The following INPP4B variants were observed in gnomAD, a reference collection of about 807,000 sequenced individuals.
The protein encoded by INPP4B is inositol polyphosphate 4-phosphatase type II.
In INPP4B, 55 loss-of-function variants were observed where a neutral mutation model predicts 122.5. The observed-to-expected ratio is 0.45, with a 90% CI of 0.36 to 0.56. INPP4B has a LOEUF of 0.56. Among genes scored for constraint, INPP4B ranks in the 20% least tolerant of loss-of-function variants. INPP4B has a pLI of 0.00. For synonymous variants in INPP4B, 403 were observed against 388.7 expected, an observed-to-expected ratio of 1.04 and a Z score of -0.43; for missense variants, 1,000 against 1,097.7, an observed-to-expected ratio of 0.91 and a Z score of 1.26.
chr4:142,655,672 T>A (rs549560260), intron 2 of INPP4B, among the ~76,000 whole-genome samples: 1 of 152,310 alleles, frequency 6.6e-6, no homozygotes, highest in Non-Finnish European at 1.5e-5. Context: ...TATAAAAAAA[T>A]TGGAATCTGT....
rs1016864631 is a variant in INPP4B, at chr4:142,405,255, T to G, written c.206A>C (p.His69Pro). ...TCTTGTCAGACTCTGCTCCACGGGG[T>G]GGATTACGGAGATCTGCACCAGTGT... ...LNTLVQISVI[H>P]PVEQSLTRYS... Residue 69 changes from histidine to proline, a missense_variant, in exon 6 of 26, where the codon CAC becomes CCC. Transcript: ENST00000262992. 1 of 1,612,070 alleles carries G rather than the reference T, an allele frequency of 6.2e-7. No individual in the cohort carries two copies. Among genetic ancestry groups the G allele is most frequent in the Non-Finnish European group, 8.5e-7 (1 of 1,179,318 alleles).
At chr4:142,799,107 C>T (rs1367459580) in intron 1 of INPP4B, among the ~76,000 whole-genome samples, 1 of 151,656 alleles carries the variant, frequency 6.6e-6, no homozygotes, top group Non-Finnish European at 1.5e-5. Context: ...GGATGAATGT[C>T]CATGGAATAT....
chr4:142,173,669 T>G lies in INPP4B; in HGVS notation c.1322A>C (p.Asp441Ala), dbSNP rs749810647. 13 of 1,612,934 alleles carry G rather than the reference T, an allele frequency of 8.1e-6. 1 individual carries two copies. The highest frequency in any genetic ancestry group is 4.2e-6 in the Non-Finnish European group (5 of 1,179,356). The change falls in exon 16 of 26, where the codon GAC becomes GCC. Residue 441 changes from aspartate (D) to alanine (A), a missense_variant. Physicochemically the swap from Asp to Ala is moderately radical, Grantham distance 126. Coordinates refer to ENST00000262992, the MANE Select transcript of INPP4B (RefSeq NM_001101669.3). ...LLNSASQHSP[D>A]SLKNSLKMLS... is the part of the protein sequence containing the mutation. ...CATCTTTAAAGAATTCTTCAAGCTG[T>G]CTGGAGAATGCTGGCTTGCAGAATT...
At chr4:142,643,949 C>T (rs1043297345) in intron 2 of INPP4B, among the ~76,000 whole-genome samples, 1 of 152,088 alleles carries the variant, frequency 6.6e-6, no homozygotes, top group Non-Finnish European at 1.5e-5. Flanking sequence ...GCCTGTAATC[C>T]CAGTGCTTTG....
intron 12 of INPP4B, among the ~76,000 whole-genome samples, chr4:142,213,741 T>C (rs995993825): frequency 1.3e-5 from 2 of 152,198 alleles, no homozygotes; most frequent in Non-Finnish European, 2.9e-5. Context: ...TCAGGTTACC[T>C]CCTTCTCTAC....
intron 2 of INPP4B, among the ~76,000 whole-genome samples, chr4:142,498,170 T>C (rs1458694216): frequency 1.3e-5 from 2 of 151,196 alleles, no homozygotes; most frequent in Admixed American, 6.6e-5. Context: ...TATATATGTA[T>C]GTATACATAC....
chr4:142,089,575 C>T (rs905827987), intron 23 of INPP4B, among the ~76,000 whole-genome samples: 2 of 151,556 alleles, frequency 1.3e-5, no homozygotes, highest in African/African-American at 4.9e-5. Flanking sequence ...ATGTATCATA[C>T]ATCATCAAAT....
At chr4:142,234,764 GT>G (rs1475372280) in intron 12 of INPP4B, among the ~76,000 whole-genome samples, 3 of 152,112 alleles carry the variant, frequency 2.0e-5, no homozygotes, top group Non-Finnish European at 4.4e-5. Flanking sequence ...AACAATTCCA[GT>G]TTCTAATTTT....
intron 1 of INPP4B, chr4:142,766,690 T>C (rs1580865803): frequency 6.6e-6 from 1 of 151,666 alleles, no homozygotes; most frequent in South Asian, 2.1e-4. Context: ...AAGTATTTTC[T>C]CAAAAAAAAA....
chr4:142,656,115 C>A (rs1006330035), intron 2 of INPP4B, among the ~76,000 whole-genome samples: 1 of 152,168 alleles, frequency 6.6e-6, no homozygotes, highest in African/African-American at 2.4e-5. Context: ...CCATTTGCAG[C>A]AGGGAGGAGC....
intron 7 of INPP4B, among the ~76,000 whole-genome samples, chr4:142,342,132 G>A (rs999990805): frequency 1.3e-5 from 2 of 152,032 alleles, no homozygotes; most frequent in Admixed American, 6.6e-5. Flanking sequence ...AAATAATAGA[G>A]CCTCCCAGAG....
At chr4:142,125,235 C>T (rs1244610785) in intron 18 of INPP4B, among the ~76,000 whole-genome samples, 3 of 151,984 alleles carry the variant, frequency 2.0e-5, no homozygotes, top group African/African-American at 7.3e-5. Context: ...CTGGACTACT[C>T]CCTAACCCAT....
At chr4:142,326,563 C>T (rs1280317270) in intron 7 of INPP4B, among the ~76,000 whole-genome samples, 1 of 152,170 alleles carries the variant, frequency 6.6e-6, no homozygotes, top group African/African-American at 2.4e-5. Context: ...CCACCACTGC[C>T]TCCATCCATT....
chr4:142,540,327 T>TC (rs1230105959), intron 2 of INPP4B, among the ~76,000 whole-genome samples: 1 of 150,348 alleles, frequency 6.7e-6, no homozygotes, highest in Admixed American at 6.6e-5. Flanking sequence ...AGGAAGTTTT[T>TC]TGGGGTTTTT....
chr4:142,640,495 T>C (rs969623552), intron 2 of INPP4B, among the ~76,000 whole-genome samples: 4 of 151,938 alleles, frequency 2.6e-5, no homozygotes, highest in African/African-American at 9.7e-5. Flanking sequence ...AATATCTAAA[T>C]ATAAAATTTA....
At chr4:142,469,853 C>T (rs903821163) in intron 2 of INPP4B, among the ~76,000 whole-genome samples, 1 of 151,980 alleles carries the variant, frequency 6.6e-6, no homozygotes, top group Non-Finnish European at 1.5e-5. Flanking sequence ...TCCAAGGTTG[C>T]ATATAGATAG....
intron 12 of INPP4B, among the ~76,000 whole-genome samples, chr4:142,216,014 G>A (rs867210754): frequency 6.8e-6 from 1 of 146,442 alleles, no homozygotes; most frequent in Non-Finnish European, 1.5e-5. Flanking sequence ...AAGGAGATTA[G>A]CTACATAAAT....
At position 142,471,803 on chromosome 4, in the gene INPP4B, C is replaced by T. The variant is rs190479593; in HGVS notation, c.-190-9077G>A. Among the ~76,000 whole-genome samples, 12 of 151,996 alleles carry T rather than the reference C, an allele frequency of 7.9e-5. No individual in the cohort carries two copies. The East Asian group carries it at 2.3e-3, about 30-fold the overall frequency. On this transcript the variant is annotated intron_variant, in intron 2 of 25. Transcript: ENST00000262992. Reference sequence around the variant, plus strand: ...GAGCACCCGCAATCCAAGCCTGAGCCTCTGTTCTTTAGGATTTTAGTGGAT... The same window carrying T: ...GAGCACCCGCAATCCAAGCCTGAGCTTCTGTTCTTTAGGATTTTAGTGGAT...
At chr4:142,364,130 C>G (rs1579853285) in intron 7 of INPP4B, among the ~76,000 whole-genome samples, 1 of 151,988 alleles carries the variant, frequency 6.6e-6, no homozygotes, top group African/African-American at 2.4e-5. Flanking sequence ...AAAACAGCAA[C>G]AAAATCTTCA....
Sources: allele counts gnomAD v4.1 joint callset (sites outside exome capture counted in the v4.1 genomes callset), GRCh38; gene constraint gnomAD v4.1.1; transcripts MANE v1.5; gene names NCBI Gene and HGNC (gene_info 2026-07-23, HGNC 2026-07-21).